Variants in PCGF6 observed in about 807,000 individuals in gnomAD.
PCGF6 encodes the protein polycomb group ring finger 6, also known as polycomb group RING finger protein 6.
A neutral mutation model predicts 45.5 loss-of-function variants in PCGF6; 24 were observed. That is an observed-to-expected ratio of 0.53 (90% CI 0.38 to 0.74). The LOEUF (loss-of-function observed/expected upper bound fraction) is 0.74, where lower values mean the gene tolerates loss of function less well. Among genes scored for constraint, PCGF6 ranks in the 30% least tolerant of loss-of-function variants. The pLI is 0.00. For missense variants in PCGF6, 356 were observed against 443.2 expected (o/e 0.80, Z 1.77); for synonymous variants, 152 against 162.1 (o/e 0.94, Z 0.47).
chr10:103,335,279 C>G, intron 6 of PCGF6, among the ~76,000 whole-genome samples: 1 of 151,816 alleles, frequency 6.6e-6, no homozygotes, highest in East Asian at 1.9e-4. Flanking sequence ...GTCTCAAACT[C>G]CTGGCCTCAA....
At chr10:103,315,486 A>C (rs1238557393) in intron 8 of PCGF6, among the ~76,000 whole-genome samples, 1 of 152,082 alleles carries the variant, frequency 6.6e-6, no homozygotes, top group Non-Finnish European at 1.5e-5. Flanking sequence ...CAGCCTCCCG[A>C]ATAGCTGGAA....
chr10:103,334,053 T>C, intron 6 of PCGF6, 101 bp from the exon 7 acceptor site: 1 of 793,308 alleles, frequency 1.3e-6, no homozygotes, highest in South Asian at 2.8e-5. Context: ...CAATTCATTG[T>C]AATTCTAGAA....
intron 9 of PCGF6, among the ~76,000 whole-genome samples, chr10:103,304,459 G>C (rs1486180016): frequency 6.6e-6 from 1 of 152,062 alleles, no homozygotes; most frequent in East Asian, 1.9e-4. Context: ...TCCTGCCTCA[G>C]CCTACCGAGT....
At chr10:103,305,140 AT>A (rs35713672) in intron 9 of PCGF6, among the ~76,000 whole-genome samples, 4 of 150,376 alleles carry the variant, frequency 2.7e-5, no homozygotes, top group Admixed American at 6.6e-5. Context: ...CTACTTCAAA[AT>A]TTTTTTTTTC....
In PCGF6 at chr10:103,341,688, C is replaced by T. The variant is rs184436238; in HGVS notation, c.782+3336G>A. Among the ~76,000 whole-genome samples the T allele has an allele frequency of 4.6e-4, 70 of 151,962 alleles. 1 individual carries two copies. The East Asian group carries it at 0.013, about 28-fold the overall frequency. ...CGAACTCTTGATGTCAAGTAATCTG[C>T]CCACCTAAGCCTCCCAGAATGCTGG... On this transcript the variant is annotated intron_variant, in intron 6 of 9. Coordinates refer to ENST00000369847, the MANE Select transcript of PCGF6 (RefSeq NM_001011663.2).
Position 103,345,172 on chromosome 10 carries a change from A to T in PCGF6, c.674-40T>A, listed in dbSNP as rs765654686. ...AACAAAAATGTTAATTAAGAATAAA[A>T]ATGCCATAAATTGAGATCTTTGGAA... On this transcript the variant is annotated intron_variant, in intron 5 of 9. Coordinates refer to ENST00000369847, the MANE Select transcript of PCGF6 (RefSeq NM_001011663.2). 4 of 1,387,624 alleles carry T rather than the reference A, an allele frequency of 2.9e-6. No individual in the cohort carries two copies. In the Admixed American group the frequency reaches 7.8e-5, roughly 27 times the overall value. The allele number at this position is 1,387,624 out of a possible 1,614,324, so 86.0% of individuals were successfully genotyped here. A position where few individuals can be genotyped will look rare whatever the true frequency, so the allele number is the denominator to read the frequency against.
chr10:103,314,366 C>T lies in PCGF6; in HGVS notation c.910-94G>A, dbSNP rs2093167427. ...CAAATCAACATAAATTGTTTCCAAA[C>T]TAGATTTTGTAATTTTATTTTAGAC... On this transcript the variant is annotated intron_variant, in intron 8 of 9. Transcript: ENST00000369847. 1.0e-5 allele frequency: 8 copies of T among 787,978 alleles called. No homozygotes were observed. In the East Asian group the frequency reaches 2.2e-4, roughly 22 times the overall value. 48.8% of individuals were successfully genotyped at this position (787,978 alleles called of 1,614,324 possible). A position where few individuals can be genotyped will look rare whatever the true frequency, so the allele number is the denominator to read the frequency against.
At chr10:103,321,626 G>A (rs1452141814) in intron 8 of PCGF6, among the ~76,000 whole-genome samples, 5 of 151,908 alleles carry the variant, frequency 3.3e-5, no homozygotes, top group Non-Finnish European at 5.9e-5. Flanking sequence ...GCAGGAGAAT[G>A]GCATGAACCC....
chr10:103,338,009 A>G (rs2093263950), intron 6 of PCGF6, among the ~76,000 whole-genome samples: 1 of 116,232 alleles, frequency 8.6e-6, no homozygotes, highest in Admixed American at 9.4e-5. Flanking sequence ...GCTTGCAGTG[A>G]GCCGAGATCC....
At chr10:103,320,174 AAT>A (rs1483667631) in intron 8 of PCGF6, among the ~76,000 whole-genome samples, 2 of 152,146 alleles carry the variant, frequency 1.3e-5, no homozygotes, top group Admixed American at 6.6e-5. Flanking sequence ...CTTATAGAAG[AAT>A]TTTTAGTGAT....
rs143694918 is a variant in PCGF6 at position 103,331,616 on chromosome 10, A to T, written c.810+2309T>A. ...CAAATCAAATCCAAATAATGTGCAC[A>T]CAATGTAATTAATTTATATGTCCCT... On this transcript the variant is annotated intron_variant, in intron 7 of 9. Transcript: ENST00000369847. Among the ~76,000 whole-genome samples, 440 of 152,304 alleles carry T rather than the reference A, an allele frequency of 2.9e-3. 10 individuals carry two copies. In the East Asian group the frequency reaches 0.056, roughly 20 times the overall value.
chr10:103,315,035 TTC>T (rs2093169886), intron 8 of PCGF6, among the ~76,000 whole-genome samples: 2 of 149,176 alleles, frequency 1.3e-5, no homozygotes, highest in South Asian at 4.2e-4. Flanking sequence ...TTTGAAAAAA[TTC>T]TCTTAGGAGG....
chr10:103,328,787 T>C (rs1288403238), intron 7 of PCGF6, among the ~76,000 whole-genome samples: 1 of 152,218 alleles, frequency 6.6e-6, no homozygotes, highest in Non-Finnish European at 1.5e-5. Context: ...AGTCTTGCTC[T>C]GTCACCCAGG....
intron 8 of PCGF6, among the ~76,000 whole-genome samples, chr10:103,324,684 C>T (rs1396267469): frequency 4.9e-5 from 7 of 143,536 alleles, no homozygotes; most frequent in African/African-American, 7.8e-5. Context: ...CACTTGAACC[C>T]GGGAGGCGGA....
At chr10:103,339,810 AACACACACACACACACACACACAC>A (rs201660003) in intron 6 of PCGF6, among the ~76,000 whole-genome samples, 2 of 32,224 alleles carry the variant, frequency 6.2e-5, no homozygotes, top group African/African-American at 8.4e-5. Flanking sequence ...TCAAAAAAAA[AACACACACACACACACACACACAC>A]ACACACACAC....
intron 8 of PCGF6, 38 bp downstream of exon 8, chr10:103,326,496 C>G (rs770457009): frequency 5.9e-6 from 8 of 1,366,822 alleles, no homozygotes; most frequent in Non-Finnish European, 8.1e-6. Flanking sequence ...AAGGTAAGCT[C>G]ACAACTTTAC....
In PCGF6 at chr10:103,347,426, T is replaced by A. The variant is rs754589710; in HGVS notation, c.582A>T (p.Ile194=). The A allele has an allele frequency of 1.2e-6, 2 of 1,608,102 alleles. No homozygotes were observed. Among genetic ancestry groups the A allele is most frequent in the Non-Finnish European group, 1.7e-6 (2 of 1,175,526 alleles). Residue 194 remains isoleucine, a synonymous_variant, in exon 4 of 10, where the codon ATA becomes ATT. Transcript: ENST00000369847. ...NIRLDRQLQD[I]VYKLVINLEE... ...CTAGATTGATCACTAATTTGTACAC[T>A]ATGTCTTGTAACTGTCGGTCCAACC... is the stretch of plus-strand genomic sequence containing the variant.
chr10:103,323,988 G>A (rs546543299), intron 8 of PCGF6, among the ~76,000 whole-genome samples: 6 of 151,940 alleles, frequency 3.9e-5, no homozygotes, highest in Admixed American at 1.3e-4. Flanking sequence ...CGCCCAGGCT[G>A]GAGTGCAATG....
At chr10:103,331,068 T>C (rs1192887427) in intron 7 of PCGF6, among the ~76,000 whole-genome samples, 2 of 152,174 alleles carry the variant, frequency 1.3e-5, no homozygotes, top group African/African-American at 2.4e-5. Flanking sequence ...TGAAATCATA[T>C]AATATATGGA....
Sources: gnomAD v4.1 joint callset for allele counts (sites outside exome capture counted in the v4.1 genomes callset) on GRCh38, gnomAD v4.1.1 for gene constraint, MANE v1.5 for transcripts, NCBI Gene and HGNC (gene_info 2026-07-23, HGNC 2026-07-21) for gene names.